Variants in PPM1E observed in about 807,000 individuals in gnomAD.
PPM1E encodes the protein protein phosphatase, Mg2+/Mn2+ dependent 1E.
PPM1E carries 20 observed loss-of-function variants against 65.9 expected under a neutral mutation model. The ratio of observed to expected loss-of-function variants is 0.30; its 90% CI spans 0.21 to 0.44. The LOEUF is 0.44. PPM1E is among the 20% of genes least tolerant of loss of function. The pLI is 1.00. For missense variants in PPM1E, 713 were observed against 953.1 expected (o/e 0.75, Z 3.32); for synonymous variants, 352 against 374.9 (o/e 0.94, Z 0.70).
At chr17:58,885,725 A>G (rs572929911) in intron 1 of PPM1E, among the ~76,000 whole-genome samples, 1 of 152,220 alleles carries the variant, frequency 6.6e-6, no homozygotes, top group South Asian at 2.1e-4. Flanking sequence ...CAAGAAATCC[A>G]TTTGTTTTCT....
chr17:58,806,081 C>T (rs1489902157), intron 1 of PPM1E, among the ~76,000 whole-genome samples: 1 of 150,442 alleles, frequency 6.6e-6, no homozygotes, highest in Non-Finnish European at 1.5e-5. Flanking sequence ...TGTCTCGTGG[C>T]ACTTAACTTG....
intron 1 of PPM1E, among the ~76,000 whole-genome samples, chr17:58,858,129 G>A (rs1598613688): frequency 6.6e-6 from 1 of 152,002 alleles, no homozygotes; most frequent in Admixed American, 6.6e-5. Flanking sequence ...TAAAGCCAAT[G>A]TTTTTAGAGT....
chr17:58,799,511 T>C (rs553834371), intron 1 of PPM1E, among the ~76,000 whole-genome samples: 4 of 152,108 alleles, frequency 2.6e-5, no homozygotes, highest in African/African-American at 9.7e-5. Context: ...GGCACGATCT[T>C]GGCTCACTGC....
chr17:58,799,353 C>T (rs889518410), intron 1 of PPM1E, among the ~76,000 whole-genome samples: 2 of 151,910 alleles, frequency 1.3e-5, no homozygotes, highest in African/African-American at 2.4e-5. Context: ...CGTCAGGGCT[C>T]ACTGCAACCT....
chr17:58,862,317 C>G (rs905810380), intron 1 of PPM1E, among the ~76,000 whole-genome samples: 2 of 152,178 alleles, frequency 1.3e-5, no homozygotes, highest in Admixed American at 1.3e-4. Flanking sequence ...ACCCAGATTA[C>G]TGGGGAGCAA....
chr17:58,877,649 T>C (rs2051143023), intron 1 of PPM1E, among the ~76,000 whole-genome samples: 1 of 152,234 alleles, frequency 6.6e-6, no homozygotes, highest in Admixed American at 6.5e-5. Context: ...TTGTTTTAAA[T>C]ATTTTTATAT....
At position 58,931,083 on chromosome 17, in the gene PPM1E, A is replaced by G. The variant is rs112226054; in HGVS notation, c.465-24566A>G. On this transcript the variant is annotated intron_variant, in intron 1 of 6. Coordinates refer to ENST00000308249, the MANE Select transcript of PPM1E (RefSeq NM_014906.5). ...ACAAAAATTAAAAAAAAAAAAAAAA[A>G]AAAGAAAGAAAGAAAGAAAAAAGCC... is the stretch of plus-strand genomic sequence containing the variant. Among the ~76,000 whole-genome samples, 1,199 of 141,406 alleles carry G rather than the reference A, an allele frequency of 8.5e-3. 25 individuals are homozygous for G. The highest frequency in any genetic ancestry group is 0.027 in the African/African-American group (1,060 of 38,564). The allele number at this position is 141,406 out of a possible 152,430, so 92.8% of individuals were successfully genotyped here.
chr17:58,756,629 G>A (rs1286271690), intron 1 of PPM1E, among the ~76,000 whole-genome samples, 168 bp downstream of exon 1: 5 of 148,818 alleles, frequency 3.4e-5, no homozygotes, highest in African/African-American at 1.2e-4. Flanking sequence ...GCGGTCGGCT[G>A]AGAGCTGCCC....
chr17:58,965,773 C>G lies in PPM1E; in HGVS notation c.663C>G (p.Pro221=), dbSNP rs1199628625. 1 of 1,614,118 alleles carries G rather than the reference C, an allele frequency of 6.2e-7. No individual in the cohort carries two copies. Among genetic ancestry groups the G allele is most frequent in the Admixed American group, 1.7e-5 (1 of 59,996 alleles). The change falls in exon 3 of 7, where the codon CCC becomes CCG. Residue 221 remains proline, a synonymous_variant. Coordinates refer to ENST00000308249, the MANE Select transcript of PPM1E (RefSeq NM_014906.5). The part of the protein sequence containing the change: ...EICCSWVKDF[P]LRRRPQLYYE... ...GCTGCAGCTGGGTGAAAGACTTCCCCCTCCGCAGGAGACCCCAGCTTTATT... is the reference window on the plus strand; with the variant it reads ...GCTGCAGCTGGGTGAAAGACTTCCCGCTCCGCAGGAGACCCCAGCTTTATT...
intron 1 of PPM1E, among the ~76,000 whole-genome samples, chr17:58,781,861 G>A (rs1398549424): frequency 6.6e-6 from 1 of 151,788 alleles, no homozygotes; most frequent in African/African-American, 2.4e-5. Context: ...ACTCCAGCCT[G>A]GGCAACAGAG....
At position 58,982,704 on chromosome 17, in the gene PPM1E, TTCAG is replaced by T. The variant is rs1471599502; in HGVS notation, c.*1675_*1678del. 1.8e-5 allele frequency: 9 copies of T among 506,060 alleles called. No homozygotes were observed. Among genetic ancestry groups the T allele is most frequent in the Middle Eastern group, 8.6e-4 (2 of 2,320 alleles). The allele number at this position is 506,060 out of a possible 1,614,324, so 31.3% of individuals were successfully genotyped here. The stretch of plus-strand genomic sequence containing the variant: ...TAAAATTTGGATGTAAGTAGAGACT[TTCAG>T]TATTTGTTTTCTCTTGATTTTGAAG... On this transcript the variant is annotated 3_prime_UTR_variant, in exon 7 of 7. Transcript: ENST00000308249.
intron 1 of PPM1E, among the ~76,000 whole-genome samples, chr17:58,838,812 A>G (rs2050688598): frequency 6.6e-6 from 1 of 152,236 alleles, no homozygotes; most frequent in South Asian, 2.1e-4. Context: ...TAACCAAACT[A>G]TTGTGATACA....
intron 1 of PPM1E, among the ~76,000 whole-genome samples, chr17:58,813,646 G>A (rs2050390460): frequency 6.6e-6 from 1 of 151,820 alleles, no homozygotes; most frequent in African/African-American, 2.4e-5. Context: ...ATTAAATGGG[G>A]GAATAAATTA....
At chr17:58,820,996 A>G (rs1295453405) in intron 1 of PPM1E, among the ~76,000 whole-genome samples, 1 of 152,108 alleles carries the variant, frequency 6.6e-6, no homozygotes, top group Non-Finnish European at 1.5e-5. Flanking sequence ...TCCAATTATA[A>G]TGTATGATGT....
At chr17:58,758,393 T>G (rs2049789788) in intron 1 of PPM1E, among the ~76,000 whole-genome samples, 1 of 151,986 alleles carries the variant, frequency 6.6e-6, no homozygotes, top group Non-Finnish European at 1.5e-5. Context: ...CTGGGCGTGG[T>G]GTCGCGCGCC....
At chr17:58,929,682 G>C (rs1194107533) in intron 1 of PPM1E, among the ~76,000 whole-genome samples, 3 of 152,044 alleles carry the variant, frequency 2.0e-5, no homozygotes, top group Non-Finnish European at 4.4e-5. Flanking sequence ...ATAGAATACT[G>C]AGAAGTAGAA....
chr17:58,820,601 A>G (rs1402566877), intron 1 of PPM1E, among the ~76,000 whole-genome samples: 2 of 152,244 alleles, frequency 1.3e-5, no homozygotes, highest in Non-Finnish European at 2.9e-5. Context: ...AGATATGTGT[A>G]TAAATGACTT....
intron 1 of PPM1E, among the ~76,000 whole-genome samples, chr17:58,875,029 A>AAAT (rs2051113483): frequency 6.6e-6 from 1 of 152,148 alleles, no homozygotes. Context: ...CTTTTAACTC[A>AAAT]TAAAATCATT....
chr17:58,886,902 G>A (rs2051271956), intron 1 of PPM1E, among the ~76,000 whole-genome samples: 2 of 152,090 alleles, frequency 1.3e-5, no homozygotes, highest in Non-Finnish European at 2.9e-5. Context: ...ATGTGTAGGG[G>A]CAAAGAGCAT....
Sources: gnomAD v4.1 joint callset for allele counts (sites outside exome capture counted in the v4.1 genomes callset) on GRCh38, gnomAD v4.1.1 for gene constraint, MANE v1.5 for transcripts, NCBI Gene and HGNC (gene_info 2026-07-23, HGNC 2026-07-21) for gene names.